The following MPP7 variants were observed in gnomAD, a reference collection of about 807,000 sequenced individuals.
MPP7 encodes the protein MAGUK p55 scaffold protein 7, also known as MAGUK p55 subfamily member 7.
Under a neutral mutation model 76.5 loss-of-function variants are expected in MPP7, and 60 were observed. That is an observed-to-expected ratio of 0.78 (90% CI 0.64 to 0.97). The LOEUF is 0.97. Ranked by LOEUF, MPP7 falls within the 50% of genes least tolerant of loss-of-function variation. The pLI is 0.00. For synonymous variants in MPP7, 237 were observed against 244.5 expected (o/e 0.97, Z 0.29); for missense variants, 641 against 694.0 (o/e 0.92, Z 0.86).
Position 28,051,492 on chromosome 10 carries a change from T to C in MPP7, c.*2573A>G, listed in dbSNP as rs1035990437. The C allele has an allele frequency of 1.3e-5, 2 of 152,314 alleles. No homozygotes were observed. Among genetic ancestry groups the C allele is most frequent in the African/African-American group, 4.8e-5 (2 of 41,574 alleles). 9.4% of individuals were successfully genotyped at this position (152,314 alleles called of 1,614,324 possible). The stretch of plus-strand genomic sequence containing the variant: ...TCAATAATAGGAGTACAGAATTTAC[T>C]TTTTGGTCTTGATTTTTAAATATAT... On this transcript the variant is annotated 3_prime_UTR_variant, in exon 17 of 17. Transcript: ENST00000683449.
At chr10:28,181,857 AG>A (rs1837069387) in intron 3 of MPP7, among the ~76,000 whole-genome samples, 1 of 152,218 alleles carries the variant, frequency 6.6e-6, no homozygotes, top group Admixed American at 6.5e-5. Context: ...ACCCCGCTAG[AG>A]CCAGCACATA....
chr10:28,290,610 T>C (rs1470538611), intron 1 of MPP7, among the ~76,000 whole-genome samples: 1 of 152,138 alleles, frequency 6.6e-6, no homozygotes, highest in Non-Finnish European at 1.5e-5. Context: ...GTAGCTGGGA[T>C]TACAGGCGCA....
chr10:28,177,140 G>A (rs922934887), intron 3 of MPP7, among the ~76,000 whole-genome samples: 6 of 151,208 alleles, frequency 4.0e-5, no homozygotes, highest in South Asian at 2.1e-4. Flanking sequence ...AGTTCTGGCC[G>A]GGCGCAGTGG....
intron 3 of MPP7, among the ~76,000 whole-genome samples, chr10:28,158,714 T>C (rs529686635): frequency 4.1e-4 from 63 of 152,304 alleles, no homozygotes; most frequent in South Asian, 2.3e-3. Context: ...CTGAAAGTAG[T>C]TGGGCTGGAG....
intron 3 of MPP7, among the ~76,000 whole-genome samples, chr10:28,189,380 C>T (rs929615930): frequency 1.3e-5 from 2 of 151,626 alleles, no homozygotes; most frequent in African/African-American, 2.4e-5. Flanking sequence ...CTAAGCAACA[C>T]AGCAAAACCC....
chr10:28,327,709 C>G (rs867633509), intron 2 of MPP7, among the ~76,000 whole-genome samples: 1 of 152,216 alleles, frequency 6.6e-6, no homozygotes, highest in Middle Eastern at 3.4e-3. Context: ...CATGAATTTT[C>G]AAGTCAAGAA....
intron 1 of MPP7, among the ~76,000 whole-genome samples, chr10:28,257,624 T>C (rs980672849): frequency 1.2e-4 from 17 of 145,674 alleles, no homozygotes; most frequent in African/African-American, 3.0e-4. Context: ...AGGGATAGCA[T>C]TGGGAGATAT....
rs558286296 is a variant in MPP7 at position 28,216,647 on chromosome 10, T to TA, written c.38-14377dup. Among the ~76,000 whole-genome samples, 534 of 152,308 alleles carry TA rather than the reference T, an allele frequency of 3.5e-3. 1 individual carries two copies. Among genetic ancestry groups the TA allele is most frequent in the Admixed American group, 6.1e-3 (93 of 15,308 alleles). Reference sequence around the variant, plus strand: ...GCACTTTCCTCCAGACTACCAGTGTTAGACATAATAAACACACACACTGGA... The same window carrying TA: ...GCACTTTCCTCCAGACTACCAGTGTTAAGACATAATAAACACACACACTGGA... On this transcript the variant is annotated intron_variant, in intron 2 of 16. Transcript: ENST00000683449.
upstream of MPP7, chr10:28,305,548 A>C (rs139121711): frequency 6.6e-6 from 1 of 152,246 alleles, no homozygotes; most frequent in Non-Finnish European, 1.5e-5. Flanking sequence ...CTATTACTGC[A>C]CAGGTGATGG....
At chr10:28,101,914 T>C (rs754120074) in intron 11 of MPP7, among the ~76,000 whole-genome samples, 1 of 151,974 alleles carries the variant, frequency 6.6e-6, no homozygotes, top group African/African-American at 2.4e-5. Context: ...CTAACTTCTA[T>C]GCCATCCACC....
At chr10:28,227,066 T>C (rs1838716792) in intron 2 of MPP7, among the ~76,000 whole-genome samples, 1 of 152,222 alleles carries the variant, frequency 6.6e-6, no homozygotes, top group Non-Finnish European at 1.5e-5. Context: ...TTTTCTTTAG[T>C]TTATCACTGA....
intron 1 of MPP7, among the ~76,000 whole-genome samples, chr10:28,295,516 A>G (rs760586015): frequency 1.9e-4 from 29 of 152,150 alleles, no homozygotes; most frequent in Non-Finnish European, 2.8e-4. Flanking sequence ...CTCAACTCCA[A>G]ATTTTTACAA....
intron 5 of MPP7, among the ~76,000 whole-genome samples, chr10:28,144,743 CT>C (rs1835649252): frequency 6.6e-6 from 1 of 152,124 alleles, no homozygotes; most frequent in South Asian, 2.1e-4. Flanking sequence ...TATTCTCCCC[CT>C]GCCCAAGTTT....
At chr10:28,121,297 A>G (rs184608128) in intron 8 of MPP7, among the ~76,000 whole-genome samples, 51 of 151,644 alleles carry the variant, frequency 3.4e-4, no homozygotes, top group African/African-American at 1.0e-3. Flanking sequence ...AATAATGTAC[A>G]AGGTTCATAC....
intron 1 of MPP7, among the ~76,000 whole-genome samples, chr10:28,294,092 G>T (rs990991523): frequency 2.0e-5 from 3 of 152,210 alleles, no homozygotes; most frequent in African/African-American, 7.2e-5. Context: ...CGGATCATGA[G>T]ATCAGGAGAT....
intron 5 of MPP7, among the ~76,000 whole-genome samples, chr10:28,139,946 T>C (rs917362427): frequency 1.3e-5 from 2 of 152,160 alleles, no homozygotes; most frequent in Non-Finnish European, 2.9e-5. Context: ...AGGTTGTATA[T>C]TGTGATAAAA....
chr10:28,089,666 C>T lies in MPP7; in HGVS notation c.1123+5G>A, dbSNP rs1458748111. The T allele has an allele frequency of 6.2e-7, 1 of 1,610,762 alleles. No homozygotes were observed. Among genetic ancestry groups the T allele is most frequent in the Middle Eastern group, 1.7e-4 (1 of 6,036 alleles). ...TCAGAATTACTCACAGAAACAAGCA[C>T]TTACCAACCAAGACAACGAGTCTGT... On this transcript the variant is annotated splice_donor_5th_base_variant and intron_variant, in intron 12 of 16. Coordinates refer to ENST00000683449, the MANE Select transcript of MPP7 (RefSeq NM_001318170.2).
At position 28,081,192 on chromosome 10, in the gene MPP7, G is replaced by A. The variant is rs75809250; in HGVS notation, c.1123+8479C>T. Among the ~76,000 whole-genome samples the A allele has an allele frequency of 2.9e-3, 449 of 152,242 alleles. 4 individuals carry two copies. In the East Asian group the frequency reaches 0.047, roughly 16 times the overall value. ...ACCTCCCAGCCAGACAGAACAAGTC[G>A]CAAATTGTCTGAATATCCACAAGAT... On this transcript the variant is annotated intron_variant, in intron 12 of 16. Coordinates refer to ENST00000683449, the MANE Select transcript of MPP7 (RefSeq NM_001318170.2).
intron 5 of MPP7, among the ~76,000 whole-genome samples, chr10:28,134,700 A>G (rs560825875): frequency 3.0e-4 from 45 of 152,288 alleles, no homozygotes; most frequent in African/African-American, 1.1e-3. Flanking sequence ...TTTAGGAACA[A>G]GGAAAGATAA....
Sources: gnomAD v4.1 joint callset for allele counts (sites outside exome capture counted in the v4.1 genomes callset) on GRCh38, gnomAD v4.1.1 for gene constraint, MANE v1.5 for transcripts, NCBI Gene and HGNC (gene_info 2026-07-23, HGNC 2026-07-21) for gene names.